KIF6: variants seen among roughly 807,000 people sequenced by gnomAD.
The protein encoded by KIF6 is kinesin-like protein KIF6.
Under a neutral mutation model 112.7 loss-of-function variants are expected in KIF6, and 106 were observed. The ratio of observed to expected loss-of-function variants is 0.94; its 90% CI spans 0.80 to 1.11. The LOEUF (loss-of-function observed/expected upper bound fraction) is 1.11, where lower values mean the gene tolerates loss of function less well. Ranked by LOEUF, KIF6 falls within the 50% of genes least tolerant of loss-of-function variation. KIF6 has a pLI of 0.00. For missense variants in KIF6, 929 were observed against 964.0 expected (o/e 0.96, Z 0.48); for synonymous variants, 339 against 339.9 (o/e 1.00, Z 0.03).
chr6:39,477,265 A>T (rs895336328), intron 13 of KIF6, among the ~76,000 whole-genome samples: 4 of 152,208 alleles, frequency 2.6e-5, no homozygotes, highest in African/African-American at 7.2e-5. Context: ...GTGGGTATGT[A>T]AATTAGTACA....
intron 15 of KIF6, among the ~76,000 whole-genome samples, chr6:39,389,369 T>C (rs1262834626): frequency 6.6e-6 from 1 of 152,146 alleles, no homozygotes; most frequent in Non-Finnish European, 1.5e-5. Flanking sequence ...GCTCCTGCAA[T>C]TTCTGGGATG....
chr6:39,668,246 A>G (rs991417389), intron 3 of KIF6, among the ~76,000 whole-genome samples: 1 of 152,222 alleles, frequency 6.6e-6, no homozygotes, highest in Non-Finnish European at 1.5e-5. Flanking sequence ...TTTCAGAATT[A>G]TGATCTAAAT....
At chr6:39,406,400 T>G (rs1036174242) in intron 15 of KIF6, among the ~76,000 whole-genome samples, 1 of 152,238 alleles carries the variant, frequency 6.6e-6, no homozygotes, top group Non-Finnish European at 1.5e-5. Flanking sequence ...ATTGATCTTT[T>G]CAAAGAACCA....
chr6:39,617,906 C>T (rs1783614499), intron 5 of KIF6, among the ~76,000 whole-genome samples: 1 of 152,168 alleles, frequency 6.6e-6, no homozygotes, highest in Non-Finnish European at 1.5e-5. Context: ...AGAGAACATT[C>T]ACTTGTTTGT....
intron 19 of KIF6, among the ~76,000 whole-genome samples, chr6:39,355,393 T>C (rs1764568094): frequency 6.6e-6 from 1 of 150,962 alleles, no homozygotes; most frequent in African/African-American, 2.4e-5. Flanking sequence ...TCTGGGAAAG[T>C]CCAAGGAAAA....
intron 15 of KIF6, among the ~76,000 whole-genome samples, chr6:39,406,290 G>T (rs893658507): frequency 6.6e-6 from 1 of 152,172 alleles, no homozygotes; most frequent in East Asian, 1.9e-4. Context: ...TTACAGGCCT[G>T]AGCCAGCTTG....
chr6:39,345,277 G>A (rs991331357), intron 21 of KIF6, among the ~76,000 whole-genome samples: 10 of 152,350 alleles, frequency 6.6e-5, no homozygotes, highest in Non-Finnish European at 1.0e-4. Context: ...GAAAGAGGCT[G>A]AGCAGCCATT....
chr6:39,715,865 T>G (rs1300515148), intron 2 of KIF6, among the ~76,000 whole-genome samples: 1 of 152,212 alleles, frequency 6.6e-6, no homozygotes, highest in East Asian at 1.9e-4. Flanking sequence ...ACTCTATAGA[T>G]GTATCACAGC....
At position 39,481,121 on chromosome 6, in the gene KIF6, G is replaced by A. The variant is rs529924264; in HGVS notation, c.1646-49960C>T. Among the ~76,000 whole-genome samples the A allele has an allele frequency of 1.9e-3, 282 of 152,130 alleles. 1 individual carries two copies. Among genetic ancestry groups the A allele is most frequent in the Non-Finnish European group, 3.0e-3 (206 of 67,990 alleles). On this transcript the variant is annotated intron_variant, in intron 13 of 22. Coordinates refer to ENST00000287152, the MANE Select transcript of KIF6 (RefSeq NM_145027.6). ...AGAAAACCAAGGTCCAGAGAAGCAC[G>A]TATAGCATGCTATCTTTTTTTAAAA... is the stretch of plus-strand genomic sequence containing the variant.
chr6:39,681,752 G>A (rs1787531897), intron 3 of KIF6, among the ~76,000 whole-genome samples: 1 of 152,142 alleles, frequency 6.6e-6, no homozygotes, highest in Non-Finnish European at 1.5e-5. Context: ...CTTAGTTTCT[G>A]TGGACTGGAA....
In KIF6 at chr6:39,725,227, G is replaced by A. The variant is rs1441944912; in HGVS notation, c.66+18C>T. On this transcript the variant is annotated intron_variant, in intron 1 of 22. Coordinates refer to ENST00000287152, the MANE Select transcript of KIF6 (RefSeq NM_145027.6). Reference sequence around the variant, plus strand: ...AGAGGCCCCGCCGCGCCGGCGCCCCGGAGGCTCCAGCCCGTACCCCTTGTT... The same window carrying A: ...AGAGGCCCCGCCGCGCCGGCGCCCCAGAGGCTCCAGCCCGTACCCCTTGTT... 2.5e-6 allele frequency: 4 copies of A among 1,600,662 alleles called. No homozygotes were observed. The highest frequency in any genetic ancestry group is 1.4e-5 in the African/African-American group (1 of 73,072).
At chr6:39,379,495 T>C (rs1370813699) in intron 16 of KIF6, among the ~76,000 whole-genome samples, 1 of 152,154 alleles carries the variant, frequency 6.6e-6, no homozygotes, top group Admixed American at 6.5e-5. Context: ...ATGGAGAATA[T>C]ATATGGAAAT....
intron 3 of KIF6, among the ~76,000 whole-genome samples, chr6:39,669,981 C>T (rs1375628063): frequency 1.3e-5 from 2 of 152,190 alleles, no homozygotes; most frequent in East Asian, 1.9e-4. Context: ...CTGCTCTCCT[C>T]AAAGTCACTG....
At chr6:39,336,813 CT>C (rs1554194852) in intron 22 of KIF6, among the ~76,000 whole-genome samples, 1 of 151,640 alleles carries the variant, frequency 6.6e-6, no homozygotes, top group Admixed American at 6.6e-5. Context: ...TTCTTTCTTT[CT>C]TTTTTTTGAT....
At chr6:39,441,097 GA>G (rs536879805) in intron 13 of KIF6, among the ~76,000 whole-genome samples, 31 of 152,282 alleles carry the variant, frequency 2.0e-4, no homozygotes, top group African/African-American at 6.5e-4. Context: ...AGGAGTTTTT[GA>G]AAGGTGCATG....
intron 1 of KIF6, among the ~76,000 whole-genome samples, chr6:39,723,095 A>G (rs954215338): frequency 6.6e-6 from 1 of 152,218 alleles, no homozygotes. Flanking sequence ...CTGGGGGGAA[A>G]TGTTACATAC....
intron 3 of KIF6, among the ~76,000 whole-genome samples, chr6:39,692,224 T>A (rs555131975): frequency 6.6e-6 from 1 of 152,294 alleles, no homozygotes; most frequent in South Asian, 2.1e-4. Context: ...ACGTAAATCA[T>A]CATCCTCAGA....
chr6:39,533,662 C>T (rs1309662004), intron 13 of KIF6, among the ~76,000 whole-genome samples: 1 of 152,232 alleles, frequency 6.6e-6, no homozygotes, highest in Admixed American at 6.5e-5. Flanking sequence ...CTGCAGTAAC[C>T]TCTGCAGACT....
At chr6:39,717,993 G>A (rs757910739) in intron 2 of KIF6, among the ~76,000 whole-genome samples, 15 of 151,482 alleles carry the variant, frequency 9.9e-5, no homozygotes, top group African/African-American at 3.2e-4. Flanking sequence ...TTGGGAGGCC[G>A]AGGCGGGCAG....
Sources: gnomAD v4.1 joint callset for allele counts (sites outside exome capture counted in the v4.1 genomes callset) on GRCh38, gnomAD v4.1.1 for gene constraint, MANE v1.5 for transcripts, NCBI Gene and HGNC (gene_info 2026-07-23, HGNC 2026-07-21) for gene names.